P2RX7: variants seen among roughly 807,000 people sequenced by gnomAD.
P2RX7 encodes P2X purinoceptor 7.
Under a neutral mutation model 71.6 loss-of-function variants are expected in P2RX7, and 62 were observed. That is an observed-to-expected ratio of 0.87 (90% CI 0.71 to 1.07). The LOEUF (loss-of-function observed/expected upper bound fraction) is 1.07, where lower values mean the gene tolerates loss of function less well. Ranked by LOEUF, P2RX7 falls within the 50% of genes least tolerant of loss-of-function variation. The probability of loss-of-function intolerance (pLI) is 0.00; values close to 1 mark genes in which losing one functional copy is unlikely to be tolerated. For synonymous variants in P2RX7, 299 were observed against 283.3 expected, an observed-to-expected ratio of 1.06 and a Z score of -0.56; for missense variants, 686 against 748.5, an observed-to-expected ratio of 0.92 and a Z score of 0.97.
At position 121,151,037 on chromosome 12, in the gene P2RX7, T is replaced by C. The variant is rs1877284002; in HGVS notation, c.126-3748T>C. Among the ~76,000 whole-genome samples, 4 of 152,188 alleles carry C rather than the reference T, an allele frequency of 2.6e-5. No individual in the cohort carries two copies. The South Asian group carries it at 8.3e-4, about 31-fold the overall frequency. On this transcript the variant is annotated intron_variant, in intron 1 of 12. Coordinates refer to ENST00000328963, the MANE Select transcript of P2RX7 (RefSeq NM_002562.6). ...AGTTTTGCTCCCTGCAAACTCATCC[T>C]TCATCCCATTCTCTTTCCTTTTGCT...
intron 2 of P2RX7, chr12:121,155,518 G>A (rs1878398222): frequency 1.4e-6 from 1 of 737,334 alleles, no homozygotes; most frequent in Admixed American, 2.8e-5. Flanking sequence ...GTAGGGTTGA[G>A]GAGTCCAAAA....
chr12:121,166,038 T>C lies in P2RX7; in HGVS notation c.615-20T>C. ...TCAATCGAGATGTTTGTTTGTTTGTTTGCTTTTAATTATGCACAGGAGAAA... is the reference window on the plus strand; with the variant it reads ...TCAATCGAGATGTTTGTTTGTTTGTCTGCTTTTAATTATGCACAGGAGAAA... On this transcript the variant is annotated intron_variant, in intron 6 of 12. Transcript: ENST00000328963. 1 of 1,607,638 alleles carries C rather than the reference T, an allele frequency of 6.2e-7. No individual in the cohort carries two copies. The highest frequency in any genetic ancestry group is 1.7e-5 in the Admixed American group (1 of 59,614).
chr12:121,142,634 GC>G (rs760361332), intron 1 of P2RX7, among the ~76,000 whole-genome samples: 1 of 152,078 alleles, frequency 6.6e-6, no homozygotes, highest in Non-Finnish European at 1.5e-5. Flanking sequence ...GAACTGCTGT[GC>G]CCAGCCAAGG....
intron 8 of P2RX7, 73 bp from the exon 9 acceptor site, chr12:121,175,310 CAAAAA>C (rs370710698): frequency 3.4e-4 from 161 of 467,906 alleles, no homozygotes; most frequent in Non-Finnish European, 3.7e-4. Context: ...GACCCTGTCT[CAAAAA>C]AAAAAAAAAA....
chr12:121,178,052 AAG>A (rs1363645294), intron 11 of P2RX7, among the ~76,000 whole-genome samples: 1 of 152,136 alleles, frequency 6.6e-6, no homozygotes, highest in Non-Finnish European at 1.5e-5. Flanking sequence ...ATAGCCAAAA[AAG>A]AAAAAAGAAA....
chr12:121,136,522 A>G (rs1354888907), intron 1 of P2RX7, among the ~76,000 whole-genome samples: 2 of 151,004 alleles, frequency 1.3e-5, no homozygotes, highest in Admixed American at 1.3e-4. Context: ...GGGTCTCCCT[A>G]TGTTGCTCAG....
Position 121,162,497 on chromosome 12 carries a change from C to G in P2RX7, c.510C>G (p.Ile170Met), listed in dbSNP as rs773490717. The G allele has an allele frequency of 6.2e-7, 1 of 1,613,336 alleles. No individual in the cohort carries two copies. The highest frequency in any genetic ancestry group is 1.3e-5 in the African/African-American group (1 of 74,896). The change falls in exon 5 of 13, where the codon ATC (isoleucine) becomes ATG (methionine). Residue 170 changes from isoleucine to methionine, a missense_variant. Transcript: ENST00000328963. ...KTCEVSAWCP[I>M]EAVEEAPRPA... ...GTGAAGTCTCTGCCTGGTGCCCCAT[C>G]GAGGCAGTGGAAGAGGCCCCCCGGT...
intron 3 of P2RX7, among the ~76,000 whole-genome samples, chr12:121,158,824 A>T (rs996244370): frequency 6.6e-5 from 10 of 152,240 alleles, no homozygotes; most frequent in Admixed American, 6.5e-4. Flanking sequence ...ATGAAAATGT[A>T]ACTTTCCATG....
At position 121,184,607 on chromosome 12, in the gene P2RX7, G is replaced by C. The variant is rs147038409; in HGVS notation, c.1593G>C (p.Glu531Asp). ...TGCAGTTCCTCCTGCTCTACCAGGA[G>C]CCCTTGCTGGCGCTGGATGTGGATT... The part of the protein sequence containing the change: ...HVLQFLLLYQ[E>D]PLLALDVDST... The change falls in exon 13 of 13, where the codon GAG (glutamate) becomes GAC (aspartate). Residue 531 changes from glutamate to aspartate, a missense_variant. Transcript: ENST00000328963. The C allele has an allele frequency of 1.9e-6, 3 of 1,613,132 alleles. No individual in the cohort carries two copies. The South Asian group carries it at 3.3e-5, about 18-fold the overall frequency.
intron 1 of P2RX7, among the ~76,000 whole-genome samples, chr12:121,147,799 A>G (rs1876527033): frequency 6.6e-6 from 1 of 152,094 alleles, no homozygotes; most frequent in South Asian, 2.1e-4. Context: ...TTTAGTAGAG[A>G]TGGGGTTTCC....
In P2RX7 at chr12:121,187,644, C is replaced by T. The variant is rs1885007418; in HGVS notation, c.*2842C>T. 1 of 151,750 alleles carries T rather than the reference C, an allele frequency of 6.6e-6. No homozygotes were observed. The highest frequency in any genetic ancestry group is 1.5e-5 in the Non-Finnish European group (1 of 67,852). The allele number at this position is 151,750 out of a possible 1,614,324, so 9.4% of individuals were successfully genotyped here. The stretch of plus-strand genomic sequence containing the variant: ...TTCCATCACCTTCCCCACTGATGCT[C>T]TGGGCGAGAGAGTGATGTGTCACTT... On this transcript the variant is annotated 3_prime_UTR_variant, in exon 13 of 13. Coordinates refer to ENST00000328963, the MANE Select transcript of P2RX7 (RefSeq NM_002562.6).
chr12:121,146,236 C>G (rs997122518), intron 1 of P2RX7, among the ~76,000 whole-genome samples: 1 of 150,918 alleles, frequency 6.6e-6, no homozygotes, highest in Admixed American at 6.6e-5. Context: ...ACCCGACCCT[C>G]TACTGTCCCA....
intron 3 of P2RX7, among the ~76,000 whole-genome samples, chr12:121,157,340 A>G (rs1878779410): frequency 6.6e-6 from 1 of 152,244 alleles, no homozygotes; most frequent in Non-Finnish European, 1.5e-5. Context: ...GTCTTTGAGT[A>G]CAGTCTTTGC....
chr12:121,135,263 C>T (rs987306886), intron 1 of P2RX7, among the ~76,000 whole-genome samples: 48 of 151,930 alleles, frequency 3.2e-4, no homozygotes, highest in Admixed American at 2.2e-3. Context: ...CGCTTGAACC[C>T]GGAGGCGGAG....
At chr12:121,157,478 T>C (rs531328018) in intron 3 of P2RX7, among the ~76,000 whole-genome samples, 1 of 152,316 alleles carries the variant, frequency 6.6e-6, no homozygotes, top group African/African-American at 2.4e-5. Context: ...TCCCTGCTGC[T>C]CAGATGAAAT....
chr12:121,183,021 C>CA (rs1269703217), intron 12 of P2RX7, among the ~76,000 whole-genome samples: 3 of 151,568 alleles, frequency 2.0e-5, no homozygotes, highest in Admixed American at 6.6e-5. Context: ...ACTAAAAATA[C>CA]AAAAAAATAG....
At chr12:121,172,504 C>T (rs1011630522) in intron 8 of P2RX7, among the ~76,000 whole-genome samples, 3 of 152,126 alleles carry the variant, frequency 2.0e-5, no homozygotes, top group African/African-American at 7.2e-5. Flanking sequence ...TAATGGTTTG[C>T]ACCTGTAGTC....
chr12:121,169,390 T>C (rs1461409355), intron 8 of P2RX7, among the ~76,000 whole-genome samples: 1 of 152,218 alleles, frequency 6.6e-6, no homozygotes, highest in African/African-American at 2.4e-5. Flanking sequence ...TATCATTCCT[T>C]TCATACCGAC....
intron 8 of P2RX7, among the ~76,000 whole-genome samples, chr12:121,169,605 T>C (rs2136109211): frequency 6.6e-6 from 1 of 152,318 alleles, no homozygotes; most frequent in African/African-American, 2.4e-5. Context: ...GTCTGCATGA[T>C]GTTTTAAAAC....
Sources: gnomAD v4.1 joint callset for allele counts (sites outside exome capture counted in the v4.1 genomes callset) on GRCh38, gnomAD v4.1.1 for gene constraint, MANE v1.5 for transcripts, NCBI Gene and HGNC (gene_info 2026-07-23, HGNC 2026-07-21) for gene names.